Variants in TBX18 observed in about 807,000 individuals in gnomAD.
TBX18 encodes the protein T-box transcription factor 18.
Under a neutral mutation model 55.0 loss-of-function variants are expected in TBX18, and 21 were observed. The ratio of observed to expected loss-of-function variants is 0.38; its 90% CI spans 0.27 to 0.55. The LOEUF (loss-of-function observed/expected upper bound fraction) is 0.55, where lower values mean the gene tolerates loss of function less well. Ranked by LOEUF, TBX18 falls within the 20% of genes least tolerant of loss-of-function variation. TBX18 has a pLI of 0.73. For missense variants in TBX18, 840 were observed against 799.6 expected (o/e 1.05, Z -0.61); for synonymous variants, 342 against 326.1 (o/e 1.05, Z -0.53).
In TBX18 at chr6:84,734,139, A is replaced by G. The variant is rs932196307; in HGVS notation, c.*2546T>C. 1.3e-5 allele frequency: 2 copies of G among 152,226 alleles called. No individual in the cohort carries two copies. The highest frequency in any genetic ancestry group is 2.9e-5 in the Non-Finnish European group (2 of 68,060). 9.4% of individuals were successfully genotyped at this position (152,226 alleles called of 1,614,324 possible). A position where few individuals can be genotyped will look rare whatever the true frequency, so the allele number is the denominator to read the frequency against. ...ATCTGTCATCACTAGTCAGTGGTGC[A>G]AGCCACTCATTCTTGTAACCTTGCC... is the stretch of plus-strand genomic sequence containing the variant. On this transcript the variant is annotated 3_prime_UTR_variant, in exon 8 of 8. Transcript: ENST00000369663.
chr6:84,749,630 A>T (rs189109454), intron 4 of TBX18, among the ~76,000 whole-genome samples: 2 of 152,074 alleles, frequency 1.3e-5, no homozygotes, highest in East Asian at 3.9e-4. Flanking sequence ...CCTCATCATC[A>T]CCTGAGGACA....
chr6:84,762,251 T>C (rs1285333452), intron 2 of TBX18, among the ~76,000 whole-genome samples: 1 of 152,178 alleles, frequency 6.6e-6, no homozygotes, highest in African/African-American at 2.4e-5. Context: ...CTCAAATTTA[T>C]AACCGCCCTG....
intron 4 of TBX18, 131 bp from the exon 5 acceptor site, chr6:84,748,218 A>G (rs1043175073): frequency 3.4e-6 from 2 of 587,934 alleles, no homozygotes; most frequent in East Asian, 3.0e-5. Flanking sequence ...TGTCAATTTA[A>G]TAAGAAATAT....
chr6:84,740,887 C>T (rs1327912912), intron 6 of TBX18, among the ~76,000 whole-genome samples: 3 of 152,184 alleles, frequency 2.0e-5, no homozygotes, highest in African/African-American at 7.2e-5. Context: ...AGAGATGTAT[C>T]TTACTGCATT....
chr6:84,759,509 A>G (rs1281981407), intron 3 of TBX18, among the ~76,000 whole-genome samples: 2 of 152,076 alleles, frequency 1.3e-5, no homozygotes, highest in Non-Finnish European at 2.9e-5. Flanking sequence ...TCAGAAAAAT[A>G]TAAAGCATTG....
intron 2 of TBX18, 116 bp downstream of exon 2, chr6:84,762,428 G>T: frequency 7.7e-7 from 1 of 1,291,458 alleles, no homozygotes. Flanking sequence ...CCGTTTGACC[G>T]AAAATGCTAT....
At chr6:84,745,891 C>T (rs1767169281) in intron 5 of TBX18, among the ~76,000 whole-genome samples, 1 of 152,064 alleles carries the variant, frequency 6.6e-6, no homozygotes, top group South Asian at 2.1e-4. Flanking sequence ...ACTAGAGCAA[C>T]TTATGTATAG....
At chr6:84,762,929 C>T (rs1424784794) in intron 1 of TBX18, 181 bp from the exon 2 acceptor site, 5 of 632,526 alleles carry the variant, frequency 7.9e-6, no homozygotes. Flanking sequence ...TTCTGCCTGT[C>T]GAAGGGGCGC....
In TBX18 at chr6:84,733,219, C is replaced by A. The variant is rs1317102290; in HGVS notation, c.*3466G>T. 2.0e-5 allele frequency: 3 copies of A among 152,114 alleles called. No individual in the cohort carries two copies. The highest frequency in any genetic ancestry group is 7.2e-5 in the African/African-American group (3 of 41,434). The allele number at this position is 152,114 out of a possible 1,614,324, so 9.4% of individuals were successfully genotyped here. ...TGAATATATTTGTCGATTTCTAGCA[C>A]TGATAATTTTTAAGGTTTGAACTCT... On this transcript the variant is annotated 3_prime_UTR_variant, in exon 8 of 8. Coordinates refer to ENST00000369663, the MANE Select transcript of TBX18 (RefSeq NM_001080508.3).
chr6:84,755,250 G>A (rs899424205), intron 4 of TBX18, among the ~76,000 whole-genome samples: 1 of 152,118 alleles, frequency 6.6e-6, no homozygotes, highest in African/African-American at 2.4e-5. Context: ...AAATTATTAA[G>A]AAGTTTATAA....
intron 3 of TBX18, among the ~76,000 whole-genome samples, chr6:84,758,407 C>CAA (rs1217785377): frequency 1.2e-5 from 1 of 86,130 alleles, no homozygotes; most frequent in Non-Finnish European, 2.4e-5. Context: ...GACTCCATCT[C>CAA]AAAAAAAAAA....
In TBX18 at chr6:84,764,246, C is replaced by A; in HGVS notation, c.-65G>T. On this transcript the variant is annotated 5_prime_UTR_variant, in exon 1 of 8. Transcript: ENST00000369663. ...ACTCACGCGGGCACACGCGCGCTCT[C>A]GCTCTTCCCCCACCAAAAACTAAAA... 1 of 1,375,760 alleles carries A rather than the reference C, an allele frequency of 7.3e-7. No homozygotes were observed. The highest frequency in any genetic ancestry group is 1.7e-5 in the South Asian group (1 of 60,152). 85.2% of individuals were successfully genotyped at this position (1,375,760 alleles called of 1,614,324 possible).
chr6:84,751,109 G>C (rs946226264), intron 4 of TBX18, among the ~76,000 whole-genome samples: 7 of 152,142 alleles, frequency 4.6e-5, no homozygotes, highest in Admixed American at 2.6e-4. Flanking sequence ...TTTCTAAGCA[G>C]AAGAAAAATT....
rs1417617987 is a variant in TBX18, at chr6:84,734,224, T to C, written c.*2461A>G. The C allele has an allele frequency of 2.0e-5, 3 of 152,156 alleles. No homozygotes were observed. The highest frequency in any genetic ancestry group is 7.2e-5 in the African/African-American group (3 of 41,432). 9.4% of individuals were successfully genotyped at this position (152,156 alleles called of 1,614,324 possible). A position where few individuals can be genotyped will look rare whatever the true frequency, so the allele number is the denominator to read the frequency against. On this transcript the variant is annotated 3_prime_UTR_variant, in exon 8 of 8. Coordinates refer to ENST00000369663, the MANE Select transcript of TBX18 (RefSeq NM_001080508.3). Reference sequence around the variant, plus strand: ...CCATCCCTTTCCTCTCACATTCAAATTTTCATGTGTTCAACATTTGTCAGG... The same window carrying C: ...CCATCCCTTTCCTCTCACATTCAAACTTTCATGTGTTCAACATTTGTCAGG...
chr6:84,747,571 A>G (rs1042846483), intron 5 of TBX18, among the ~76,000 whole-genome samples: 1 of 152,200 alleles, frequency 6.6e-6, no homozygotes, highest in Non-Finnish European at 1.5e-5. Flanking sequence ...AAAGTAAGCT[A>G]TCAAGTCCCA....
At position 84,745,586 on chromosome 6, in the gene TBX18, T is replaced by A. The variant is rs141934917; in HGVS notation, c.940-1261A>T. On this transcript the variant is annotated intron_variant, in intron 5 of 7. Coordinates refer to ENST00000369663, the MANE Select transcript of TBX18 (RefSeq NM_001080508.3). Reference sequence around the variant, plus strand: ...TAAAACTATATTATAAATGATATAATGAAAGGGTTTGCTAATTAAGTCATC... The same window carrying A: ...TAAAACTATATTATAAATGATATAAAGAAAGGGTTTGCTAATTAAGTCATC... Among the ~76,000 whole-genome samples, 603 of 152,250 alleles carry A rather than the reference T, an allele frequency of 4.0e-3. 3 individuals carry two copies. Among genetic ancestry groups the A allele is most frequent in the African/African-American group, 0.011 (455 of 41,568 alleles).
At chr6:84,750,308 A>G (rs533704135) in intron 4 of TBX18, among the ~76,000 whole-genome samples, 1 of 151,460 alleles carries the variant, frequency 6.6e-6, no homozygotes, top group Non-Finnish European at 1.5e-5. Flanking sequence ...AAAAGGCATA[A>G]TCTAAATCTA....
chr6:84,737,651 T>C (rs1582063191), intron 7 of TBX18, among the ~76,000 whole-genome samples: 1 of 152,322 alleles, frequency 6.6e-6, no homozygotes, highest in African/African-American at 2.4e-5. Context: ...TCAACAGTCC[T>C]GTGAAACTTA....
intron 3 of TBX18, among the ~76,000 whole-genome samples, chr6:84,757,754 T>C (rs1344900160): frequency 2.0e-5 from 3 of 151,688 alleles, no homozygotes; most frequent in Admixed American, 6.6e-5. Flanking sequence ...TTAACTATAT[T>C]AAGATTACCA....
Sources: allele counts gnomAD v4.1 joint callset (sites outside exome capture counted in the v4.1 genomes callset), GRCh38; gene constraint gnomAD v4.1.1; transcripts MANE v1.5; gene names NCBI Gene and HGNC (gene_info 2026-07-23, HGNC 2026-07-21).